CREBBP: variants seen among roughly 807,000 people sequenced by gnomAD.
CREBBP encodes the protein CREB binding lysine acetyltransferase.
A neutral mutation model predicts 265.0 loss-of-function variants in CREBBP; 19 were observed. The ratio of observed to expected loss-of-function variants is 0.07; its 90% CI spans 0.05 to 0.11. The LOEUF (loss-of-function observed/expected upper bound fraction) is 0.11. CREBBP is among the 10% of genes least tolerant of loss of function. The pLI, the probability that CREBBP is intolerant of heterozygous loss-of-function variation, is 1.00. For missense variants in CREBBP, 2,525 were observed against 3,219.0 expected, an observed-to-expected ratio of 0.78 and a Z score of 5.22; for synonymous variants, 1,457 against 1,223.7, an observed-to-expected ratio of 1.19 and a Z score of -3.98.
chr16:3,741,055 G>A lies in CREBBP; in HGVS notation c.3983-506C>T, dbSNP rs1274861916. 15 of 226,686 alleles carry A rather than the reference G, an allele frequency of 6.6e-5. No individual in the cohort carries two copies. In the Admixed American group the frequency reaches 7.8e-4, roughly 12 times the overall value. The allele number at this position is 226,686 out of a possible 1,614,324, so 14.0% of individuals were successfully genotyped here. On this transcript the variant is annotated intron_variant, in intron 23 of 30. Coordinates refer to ENST00000262367, the MANE Select transcript of CREBBP (RefSeq NM_004380.3). ...GTGCCTCAGGAGCTGGCAAAGTATT[G>A]GTGTCCAAGCCTGCCCTGAGCCATC...
intron 3 of CREBBP, among the ~76,000 whole-genome samples, chr16:3,799,179 G>A (rs1418446793): frequency 2.0e-5 from 3 of 152,184 alleles, no homozygotes. Flanking sequence ...CAGGGGAAAT[G>A]GGGAATAACT....
intron 2 of CREBBP, among the ~76,000 whole-genome samples, chr16:3,824,686 A>C (rs1261278834): frequency 6.6e-6 from 1 of 152,182 alleles, no homozygotes; most frequent in Non-Finnish European, 1.5e-5. Context: ...ACGCGGCGGC[A>C]GCAGCACGCC....
chr16:3,865,486 C>G (rs2055158621), intron 1 of CREBBP, among the ~76,000 whole-genome samples: 1 of 152,126 alleles, frequency 6.6e-6, no homozygotes, highest in South Asian at 2.1e-4. Context: ...GAGTCAACAG[C>G]GTCTGCCTGA....
intron 2 of CREBBP, among the ~76,000 whole-genome samples, chr16:3,828,579 GT>G (rs1239890677): frequency 1.3e-5 from 2 of 152,120 alleles, no homozygotes; most frequent in Non-Finnish European, 2.9e-5. Context: ...CACTCTCCAG[GT>G]TACCTGTTCT....
chr16:3,788,040 G>T (rs1397896757), intron 5 of CREBBP, among the ~76,000 whole-genome samples: 1 of 152,224 alleles, frequency 6.6e-6, no homozygotes, highest in Non-Finnish European at 1.5e-5. Flanking sequence ...AGGTGAAGCA[G>T]TGGGAGCTAC....
chr16:3,726,276 C>T lies in CREBBP; in HGVS notation c.*1442G>A, dbSNP rs574027491. On this transcript the variant is annotated 3_prime_UTR_variant, in exon 31 of 31. Transcript: ENST00000262367. ...GCCGCCTGAACACGGGAAGAAGCGC[C>T]GCCTCTGGGGGTGGCAGCTACGACG... 2.6e-4 allele frequency: 61 copies of T among 233,204 alleles called. No individual in the cohort carries two copies. Among genetic ancestry groups the T allele is most frequent in the Non-Finnish European group, 4.4e-4 (52 of 118,064 alleles). The allele number at this position is 233,204 out of a possible 1,614,324, so 14.4% of individuals were successfully genotyped here. A position where few individuals can be genotyped will look rare whatever the true frequency, so the allele number is the denominator to read the frequency against.
Position 3,817,794 on chromosome 16 carries a change from G to A in CREBBP, c.799-7015C>T, listed in dbSNP as rs573846320. ...AAACTCCACTGGGGGGAGGCAATGG[G>A]CCAGGCAGTCCATGGGGGCAGGGGA... On this transcript the variant is annotated intron_variant, in intron 2 of 30. Coordinates refer to ENST00000262367, the MANE Select transcript of CREBBP (RefSeq NM_004380.3). 2.0e-4 allele frequency among the ~76,000 whole-genome samples: 31 copies of A among 152,272 alleles called. No individual in the cohort carries two copies. In the South Asian group the frequency reaches 4.2e-3, roughly 20 times the overall value.
rs201972233 is a variant in CREBBP at position 3,792,149 on chromosome 16, C to T, written c.1217-55G>A. The stretch of plus-strand genomic sequence containing the variant: ...TTTTCTATCCAAATCGTCACACTTT[C>T]AATTATACCTAAATTATAATGCCAG... On this transcript the variant is annotated intron_variant, in intron 4 of 30. Coordinates refer to ENST00000262367, the MANE Select transcript of CREBBP (RefSeq NM_004380.3). 2.0e-5 allele frequency: 26 copies of T among 1,329,330 alleles called. No homozygotes were observed. In the East Asian group the frequency reaches 5.7e-4, roughly 29 times the overall value. 82.3% of individuals were successfully genotyped at this position (1,329,330 alleles called of 1,614,324 possible).
In CREBBP at chr16:3,731,499, CCA is replaced by C; in HGVS notation, c.4891-28_4891-27del. On this transcript the variant is annotated intron_variant, in intron 29 of 30. Coordinates refer to ENST00000262367, the MANE Select transcript of CREBBP (RefSeq NM_004380.3). This position sits in a 1 kb window ranked among gnomAD's most constrained non-coding sequence, Gnocchi z 7.7. ...CTGCAGGAGAGGAGGGGCTTTAGTC[CCA>C]CACAAGGGACATGGCACCTCCAGTG... The C allele has an allele frequency of 6.4e-7, 1 of 1,564,170 alleles. No homozygotes were observed. Among genetic ancestry groups the C allele is most frequent in the Non-Finnish European group, 8.6e-7 (1 of 1,157,700 alleles).
At chr16:3,746,360 A>C (rs973267660) in intron 21 of CREBBP, among the ~76,000 whole-genome samples, 4 of 151,178 alleles carry the variant, frequency 2.6e-5, no homozygotes, top group Admixed American at 6.6e-5. Context: ...GAAAAAAAAA[A>C]CACACACACA....
rs770952413 is a variant in CREBBP, at chr16:3,850,845, G to C, written c.250C>G (p.Pro84Ala). The C allele has an allele frequency of 2.5e-6, 4 of 1,614,146 alleles. No individual in the cohort carries two copies. The highest frequency in any genetic ancestry group is 3.4e-6 in the Non-Finnish European group (4 of 1,180,036). ...LRGGSGSSIN[P>A]GIGNVSASSP... is the part of the protein sequence containing the mutation. ...CTGGCGCTCACATTTCCTATTCCTGGGTTGATACTAGAGCCGCTGCCTCCT... is the reference window on the plus strand; with the variant it reads ...CTGGCGCTCACATTTCCTATTCCTGCGTTGATACTAGAGCCGCTGCCTCCT... Residue 84 changes from proline (P) to alanine (A), a missense_variant, in exon 2 of 31, where the codon CCA becomes GCA. Coordinates refer to ENST00000262367, the MANE Select transcript of CREBBP (RefSeq NM_004380.3).
rs771521258 is a variant in CREBBP at position 3,793,483 on chromosome 16, T to A, written c.1119A>T (p.Ala373=). 1.9e-6 allele frequency: 3 copies of A among 1,614,178 alleles called. No homozygotes were observed. The East Asian group carries it at 6.7e-5, about 36-fold the overall frequency. ...HAHKCQRREQ[A]NGEVRACSLP... Reference sequence around the variant, plus strand: ...GCGAGCAGGCCCGAACCTCTCCGTTTGCTTGCTCTCGTCTCTGACACTTAT... The same window carrying A: ...GCGAGCAGGCCCGAACCTCTCCGTTAGCTTGCTCTCGTCTCTGACACTTAT... The change falls in exon 4 of 31, where the codon GCA becomes GCT. Residue 373 remains alanine, a synonymous_variant. Coordinates refer to ENST00000262367, the MANE Select transcript of CREBBP (RefSeq NM_004380.3).
intron 6 of CREBBP, among the ~76,000 whole-genome samples, chr16:3,781,605 C>G (rs2053275128): frequency 6.6e-6 from 1 of 152,170 alleles, no homozygotes; most frequent in Non-Finnish European, 1.5e-5. Context: ...GACCCACATG[C>G]AGCCTCTTAC....
intron 1 of CREBBP, among the ~76,000 whole-genome samples, chr16:3,865,476 G>A (rs2055158354): frequency 6.6e-6 from 1 of 152,148 alleles, no homozygotes; most frequent in South Asian, 2.1e-4. Flanking sequence ...AGAGAACTAA[G>A]AGTCAACAGC....
chr16:3,865,342 T>C (rs774101326), intron 1 of CREBBP, among the ~76,000 whole-genome samples: 1 of 152,158 alleles, frequency 6.6e-6, no homozygotes, highest in Non-Finnish European at 1.5e-5. Flanking sequence ...GGGAGAGGAT[T>C]AAAGCAATTA....
intron 19 of CREBBP, 119 bp downstream of exon 19, chr16:3,757,169 C>T (rs1315052418): frequency 2.1e-5 from 18 of 843,342 alleles, no homozygotes; most frequent in East Asian, 1.1e-4. Context: ...CCACCACACC[C>T]GGCCTGAAAT....
chr16:3,744,235 G>C (rs887324221), intron 23 of CREBBP, among the ~76,000 whole-genome samples: 4 of 152,146 alleles, frequency 2.6e-5, no homozygotes, highest in Non-Finnish European at 5.9e-5. Flanking sequence ...CTGGTTCCCA[G>C]AGGCCATGGC....
chr16:3,880,421 G>T lies in CREBBP; in HGVS notation c.-505C>A. ...CCCGCGGCCCGCCGCCGCCGCCGCC[G>T]TGAGGAAAAACAATGCGCCGAGCGG... On this transcript the variant is annotated 5_prime_UTR_variant, in exon 1 of 31. Coordinates refer to ENST00000262367, the MANE Select transcript of CREBBP (RefSeq NM_004380.3). The T allele has an allele frequency of 6.9e-6, 1 of 144,792 alleles. No homozygotes were observed. The highest frequency in any genetic ancestry group is 1.5e-5 in the Non-Finnish European group (1 of 65,232). The allele number at this position is 144,792 out of a possible 1,614,324, so 9.0% of individuals were successfully genotyped here.
At chr16:3,805,602 T>C (rs910370176) in intron 3 of CREBBP, among the ~76,000 whole-genome samples, 9 of 152,294 alleles carry the variant, frequency 5.9e-5, no homozygotes, top group South Asian at 2.1e-4. Flanking sequence ...CCAGTTTAAG[T>C]CTTGCTCCCT....
Sources: gnomAD v4.1 joint callset for allele counts (sites outside exome capture counted in the v4.1 genomes callset) on GRCh38, gnomAD v4.1.1 for gene constraint, Gnocchi (gnomAD v3.1) non-coding constraint, MANE v1.5 for transcripts, NCBI Gene and HGNC (gene_info 2026-07-23, HGNC 2026-07-21) for gene names.